Variants in DIP2C observed in about 807,000 individuals in gnomAD.
The protein encoded by DIP2C is disco-interacting protein 2 homolog C.
DIP2C carries 33 observed loss-of-function variants against 192.4 expected under a neutral mutation model. The observed-to-expected ratio is 0.17, with a 90% confidence interval of 0.13 to 0.23. DIP2C has a LOEUF of 0.23. DIP2C is among the 10% of genes least tolerant of loss of function. DIP2C has a pLI of 1.00. For synonymous variants in DIP2C, 979 were observed against 864.1 expected (o/e 1.13, Z -2.33); for missense variants, 1,537 against 2,110.1 (o/e 0.73, Z 5.32).
intron 33 of DIP2C, among the ~76,000 whole-genome samples, chr10:287,257 C>T (rs920238879): frequency 1.3e-5 from 2 of 152,080 alleles, no homozygotes; most frequent in African/African-American, 4.8e-5. Flanking sequence ...CCAGAATTTC[C>T]TTCTTAAAGT....
chr10:687,397 T>C (rs984520858), intron 1 of DIP2C, among the ~76,000 whole-genome samples: 1 of 152,146 alleles, frequency 6.6e-6, no homozygotes, highest in South Asian at 2.1e-4. Context: ...AGCAAACAGA[T>C]GAGGCAGTGG....
chr10:520,631 T>A (rs1429369573), intron 1 of DIP2C, among the ~76,000 whole-genome samples: 2 of 152,192 alleles, frequency 1.3e-5, no homozygotes, highest in African/African-American at 2.4e-5. Flanking sequence ...CTGCTCTGCC[T>A]GCAGCTCCTT....
chr10:477,693 A>T (rs1398167060), intron 2 of DIP2C, among the ~76,000 whole-genome samples: 1 of 143,676 alleles, frequency 7.0e-6, no homozygotes, highest in Non-Finnish European at 1.5e-5. Flanking sequence ...AGGAAAGCGG[A>T]GAAAAGGAAA....
chr10:443,017 C>T (rs944758821), intron 3 of DIP2C, among the ~76,000 whole-genome samples: 5 of 152,072 alleles, frequency 3.3e-5, no homozygotes, highest in South Asian at 2.1e-4. Flanking sequence ...TGGTATCTTC[C>T]GGACTAGACT....
At chr10:514,029 C>T (rs1846194858) in intron 1 of DIP2C, among the ~76,000 whole-genome samples, 1 of 152,192 alleles carries the variant, frequency 6.6e-6, no homozygotes, top group Admixed American at 6.5e-5. Flanking sequence ...CTTGAATTTC[C>T]AATCAGAGAA....
At chr10:568,986 G>A (rs563255005) in intron 1 of DIP2C, among the ~76,000 whole-genome samples, 30 of 152,230 alleles carry the variant, frequency 2.0e-4, no homozygotes, top group Admixed American at 1.2e-3. Flanking sequence ...AAGTTTGTTT[G>A]AAGTAAATTC....
intron 1 of DIP2C, among the ~76,000 whole-genome samples, chr10:565,654 A>G (rs1189523226): frequency 2.0e-5 from 3 of 152,210 alleles, no homozygotes; most frequent in African/African-American, 7.2e-5. Context: ...CGTTTGCTAC[A>G]TGTAAGCTTC....
intron 3 of DIP2C, among the ~76,000 whole-genome samples, chr10:449,931 A>C (rs1204760178): frequency 6.7e-6 from 1 of 148,606 alleles, no homozygotes; most frequent in Non-Finnish European, 1.5e-5. Flanking sequence ...AAAAAAAAAA[A>C]AAAAAGAAAA....
intron 4 of DIP2C, among the ~76,000 whole-genome samples, chr10:426,704 C>A (rs923992326): frequency 2.6e-5 from 4 of 152,188 alleles, no homozygotes; most frequent in Non-Finnish European, 5.9e-5. Context: ...CTTATATTTA[C>A]GGTCAATTTA....
intron 24 of DIP2C, chr10:356,158 G>A (rs1959069747): frequency 5.2e-6 from 3 of 573,574 alleles, no homozygotes; most frequent in African/African-American, 3.7e-5. Flanking sequence ...TTTCTCTCTT[G>A]CAGATATCAT....
chr10:544,819 A>G (rs1189440832), intron 1 of DIP2C, among the ~76,000 whole-genome samples: 1 of 152,178 alleles, frequency 6.6e-6, no homozygotes, highest in Admixed American at 6.5e-5. Context: ...GATATTCTTG[A>G]TATCAGGCCC....
intron 36 of DIP2C, among the ~76,000 whole-genome samples, chr10:279,357 A>G (rs1387302655): frequency 6.6e-6 from 1 of 152,160 alleles, no homozygotes; most frequent in Non-Finnish European, 1.5e-5. Context: ...GTCCTAGAGT[A>G]TCCAAATCTG....
chr10:474,509 C>T (rs1180810633), intron 2 of DIP2C, among the ~76,000 whole-genome samples: 7 of 152,198 alleles, frequency 4.6e-5, no homozygotes, highest in African/African-American at 1.7e-4. Flanking sequence ...GGAGCCCCCG[C>T]CCCAGTCCCA....
chr10:388,380 G>A (rs1309657841), intron 13 of DIP2C, among the ~76,000 whole-genome samples: 3 of 152,190 alleles, frequency 2.0e-5, no homozygotes, highest in African/African-American at 7.2e-5. Context: ...AGAGCATGCT[G>A]GCCCTGAACA....
At chr10:577,823 GTTTTT>G (rs35201000) in intron 1 of DIP2C, among the ~76,000 whole-genome samples, 1 of 143,922 alleles carries the variant, frequency 6.9e-6, no homozygotes, top group Non-Finnish European at 1.5e-5. Context: ...GTTTTTTTGT[GTTTTT>G]TTTTTTTTAA....
At chr10:533,293 A>G (rs1326940684) in intron 1 of DIP2C, among the ~76,000 whole-genome samples, 1 of 152,152 alleles carries the variant, frequency 6.6e-6, no homozygotes, top group African/African-American at 2.4e-5. Flanking sequence ...TTACGAGGCA[A>G]TCTGCTTTCC....
chr10:320,111 T>C (rs1956942608), intron 31 of DIP2C, among the ~76,000 whole-genome samples: 2 of 152,236 alleles, frequency 1.3e-5, no homozygotes, highest in Non-Finnish European at 2.9e-5. Context: ...AGCTTTTAGC[T>C]GGTGAAGATT....
intron 3 of DIP2C, among the ~76,000 whole-genome samples, chr10:442,187 C>T (rs533147742): frequency 6.6e-5 from 10 of 152,228 alleles, no homozygotes; most frequent in Admixed American, 3.9e-4. Flanking sequence ...GTCCCCAGGA[C>T]GAGGCAGTCT....
rs1038517427 is a variant in DIP2C at position 467,096 on chromosome 10, C to T, written c.268+5343G>A. 5.3e-5 allele frequency among the ~76,000 whole-genome samples: 8 copies of T among 151,890 alleles called. No individual in the cohort carries two copies. The East Asian group carries it at 5.8e-4, about 11-fold the overall frequency. On this transcript the variant is annotated intron_variant, in intron 3 of 36. Coordinates refer to ENST00000280886, the MANE Select transcript of DIP2C (RefSeq NM_014974.3). ...GACACATGCACACGTATGTTTATTG[C>T]GGCATTACTCACAATAGCAAAGACT...
Sources: gnomAD v4.1 joint callset for allele counts (sites outside exome capture counted in the v4.1 genomes callset) on GRCh38, gnomAD v4.1.1 for gene constraint, MANE v1.5 for transcripts, NCBI Gene and HGNC (gene_info 2026-07-23, HGNC 2026-07-21) for gene names.